PCNX2: variants seen among roughly 807,000 people sequenced by gnomAD.
PCNX2 encodes pecanex-like protein 2.
In PCNX2, 168 loss-of-function variants were observed where a neutral mutation model predicts 223.8. The ratio of observed to expected loss-of-function variants is 0.75; its 90% confidence interval spans 0.66 to 0.85. The LOEUF is 0.85. PCNX2 is among the 40% of genes least tolerant of loss of function. PCNX2 has a pLI of 0.00. For missense variants in PCNX2, 2,507 were observed against 2,675.5 expected, an observed-to-expected ratio of 0.94 and a Z score of 1.39; for synonymous variants, 1,006 against 1,052.6, an observed-to-expected ratio of 0.96 and a Z score of 0.86.
chr1:233,022,038 C>G (rs1166066479), intron 26 of PCNX2, among the ~76,000 whole-genome samples: 2 of 152,162 alleles, frequency 1.3e-5, no homozygotes, highest in Non-Finnish European at 2.9e-5. Context: ...GCATCTCACT[C>G]TCATCCCTCC....
intron 13 of PCNX2, among the ~76,000 whole-genome samples, chr1:233,203,435 T>C (rs1327961142): frequency 3.9e-5 from 6 of 152,150 alleles, no homozygotes; most frequent in African/African-American, 1.4e-4. Context: ...ATAAAGAATA[T>C]TTTTTCTTAT....
intron 9 of PCNX2, among the ~76,000 whole-genome samples, chr1:233,236,250 A>G (rs1010510733): frequency 1.3e-5 from 2 of 151,968 alleles, no homozygotes; most frequent in African/African-American, 2.4e-5. Flanking sequence ...TGCGTGTTTC[A>G]CTAACCTCCC....
At chr1:233,321,601 T>G in the PCNX2 span, among the ~76,000 whole-genome samples, 1 of 152,232 alleles carries the variant, frequency 6.6e-6, no homozygotes, top group Non-Finnish European at 1.5e-5. Flanking sequence ...CCCAGTCAAG[T>G]GCTTTTTCTT....
Position 232,986,522 on chromosome 1 carries a change from C to A in PCNX2, c.5810G>T (p.Ser1937Ile). ...CGCTGAGTGTGCCTGCACGGACTGG[C>A]TCCTGCCTTTCCTCCTGCCTTTAAA... ...TQRTGRRKGR[S>I]QSVQAHSALS... Residue 1937 changes from serine to isoleucine, a missense_variant, in exon 33 of 34, where the codon AGC becomes ATC. This residue lies in a region of PCNX2 where 1,372 missense variants were observed against 1,509.4 expected (regional missense o/e 0.91). Coordinates refer to ENST00000258229, the MANE Select transcript of PCNX2 (RefSeq NM_014801.4). 1 of 1,533,658 alleles carries A rather than the reference C, an allele frequency of 6.5e-7. No homozygotes were observed. Among genetic ancestry groups the A allele is most frequent in the Non-Finnish European group, 8.8e-7 (1 of 1,140,408 alleles).
chr1:233,055,810 A>G (rs1230618566), intron 24 of PCNX2, among the ~76,000 whole-genome samples: 1 of 152,196 alleles, frequency 6.6e-6, no homozygotes, highest in Non-Finnish European at 1.5e-5. Flanking sequence ...TGAAGACTGC[A>G]GATCTGACCG....
intron 21 of PCNX2, among the ~76,000 whole-genome samples, chr1:233,096,626 T>C (rs924160395): frequency 6.6e-6 from 1 of 152,174 alleles, no homozygotes; most frequent in African/African-American, 2.4e-5. Flanking sequence ...CTCCCCAAAA[T>C]CCACATCTGA....
chr1:233,161,289 A>G lies in PCNX2; in HGVS notation c.3348T>C (p.Thr1116=). ...AVLSFAVSAS[T]VFLSLRPFLS... The stretch of plus-strand genomic sequence containing the variant: ...TACATACTCGCAATGACAGGAATAC[A>G]GTGCTGGCGCTGACTGCAAATGAGA... The change falls in exon 18 of 34, where the codon ACT becomes ACC. Residue 1116 remains threonine (T), a synonymous_variant. Coordinates refer to ENST00000258229, the MANE Select transcript of PCNX2 (RefSeq NM_014801.4). 3 of 1,613,768 alleles carry G rather than the reference A, an allele frequency of 1.9e-6. No individual in the cohort carries two copies. Among genetic ancestry groups the G allele is most frequent in the Non-Finnish European group, 2.5e-6 (3 of 1,179,706 alleles).
At chr1:233,047,478 G>A in intron 25 of PCNX2, 1 of 829,094 alleles carries the variant, frequency 1.2e-6, no homozygotes, top group Non-Finnish European at 1.5e-6. Context: ...AATTCAACTA[G>A]GTTAGCTCTA....
In PCNX2 at chr1:233,252,646, T is replaced by TGTGGTCTTGGCA; in HGVS notation, c.1965_1976dup (p.Lys657_Ala660dup). On this transcript the variant is annotated inframe_insertion, in exon 6 of 34. Coordinates refer to ENST00000258229, the MANE Select transcript of PCNX2 (RefSeq NM_014801.4). ...ATTAAGTAACTTATCCTTACAAGGCTGTGGTCTTGGCAGGCTGAGTGCATG... is the reference window on the plus strand; with the variant it reads ...ATTAAGTAACTTATCCTTACAAGGCTGTGGTCTTGGCAGTGGTCTTGGCAGGCTGAGTGCATG... The TGTGGTCTTGGCA allele has an allele frequency of 6.2e-7, 1 of 1,609,994 alleles. No homozygotes were observed. Among genetic ancestry groups the TGTGGTCTTGGCA allele is most frequent in the East Asian group, 2.2e-5 (1 of 44,878 alleles).
At chr1:233,254,281 A>G (rs770891475) in intron 5 of PCNX2, among the ~76,000 whole-genome samples, 20 of 152,258 alleles carry the variant, frequency 1.3e-4, no homozygotes, top group Admixed American at 3.9e-4. Flanking sequence ...CTGTCAAGAT[A>G]GAAGTTTTCA....
At chr1:233,089,823 T>C (rs1673779985) in intron 23 of PCNX2, 1 of 1,219,094 alleles carries the variant, frequency 8.2e-7, no homozygotes, top group Non-Finnish European at 1.0e-6. Flanking sequence ...CCTTCACAAC[T>C]GGTGAAACCT....
Position 233,161,439 on chromosome 1 carries a change from A to T in PCNX2, c.3274-76T>A, listed in dbSNP as rs951494834. 2.4e-6 allele frequency: 3 copies of T among 1,259,794 alleles called. No homozygotes were observed. The African/African-American group carries it at 4.4e-5, about 19-fold the overall frequency. The allele number at this position is 1,259,794 out of a possible 1,614,324, so 78.0% of individuals were successfully genotyped here. On this transcript the variant is annotated intron_variant, in intron 17 of 33. Transcript: ENST00000258229. ...CTCTGTGTAACCAGGTAAATCAAGC[A>T]GCAGGACATTGACCCAAGATAAACT... is the stretch of plus-strand genomic sequence containing the variant.
the PCNX2 span, among the ~76,000 whole-genome samples, chr1:233,312,401 A>T: frequency 1.3e-5 from 2 of 152,206 alleles, no homozygotes; most frequent in Admixed American, 1.3e-4. Context: ...CCCAGAAGAT[A>T]CTAAAAGTCT....
chr1:233,154,724 T>C (rs1266177899), intron 19 of PCNX2, among the ~76,000 whole-genome samples: 1 of 152,208 alleles, frequency 6.6e-6, no homozygotes, highest in Non-Finnish European at 1.5e-5. Context: ...TGTAAGCTCC[T>C]CACTTAGGAT....
At chr1:233,159,043 G>A (rs1405624450) in intron 19 of PCNX2, among the ~76,000 whole-genome samples, 2 of 152,144 alleles carry the variant, frequency 1.3e-5, no homozygotes, top group East Asian at 1.9e-4. Flanking sequence ...GTAGTACACG[G>A]AATTGTACAG....
intron 21 of PCNX2, among the ~76,000 whole-genome samples, chr1:233,106,763 C>T (rs1246986259): frequency 6.6e-6 from 1 of 152,152 alleles, no homozygotes; most frequent in Non-Finnish European, 1.5e-5. Flanking sequence ...GGTATTTCAG[C>T]AAGATAAACA....
rs1425379670 is a variant in PCNX2 at position 233,295,148 on chromosome 1, C to T, written c.153+178G>A. ...TACTTCTTTTCTTTTCCAGTGAATC[C>T]TCACAGTCCCCTTTCCCTGCATGTT... On this transcript the variant is annotated intron_variant, in intron 1 of 33. Transcript: ENST00000258229. The surrounding 1 kb of genome is among the most constrained non-coding windows in gnomAD (Gnocchi z 4.1). Among the ~76,000 whole-genome samples the T allele has an allele frequency of 6.6e-6, 1 of 152,152 alleles. No individual in the cohort carries two copies. Among genetic ancestry groups the T allele is most frequent in the Non-Finnish European group, 1.5e-5 (1 of 68,020 alleles).
At chr1:233,254,385 T>C (rs76305936) in intron 5 of PCNX2, among the ~76,000 whole-genome samples, 1,930 of 152,310 alleles carry the variant, frequency 0.013, 54 homozygotes, top group African/African-American at 0.044. Flanking sequence ...GAAAGGCATA[T>C]TGACACAGCT....
chr1:233,028,871 C>T (rs6698619), intron 25 of PCNX2, among the ~76,000 whole-genome samples: 2 of 141,092 alleles, frequency 1.4e-5, no homozygotes, highest in African/African-American at 5.2e-5. Flanking sequence ...TGGAGTCTCA[C>T]TCTGTCGCCC....
Sources: allele counts gnomAD v4.1 joint callset (sites outside exome capture counted in the v4.1 genomes callset), GRCh38; gene constraint gnomAD v4.1.1; regional missense constraint gnomAD v4.1.1; non-coding constraint Gnocchi (gnomAD v3.1); transcripts MANE v1.5; gene names NCBI Gene and HGNC (gene_info 2026-07-23, HGNC 2026-07-21).